THBS2: variants seen among roughly 807,000 people sequenced by gnomAD.
The protein encoded by THBS2 is thrombospondin 2.
Under a neutral mutation model 135.2 loss-of-function variants are expected in THBS2, and 47 were observed. The ratio of observed to expected loss-of-function variants is 0.35; its 90% CI spans 0.28 to 0.44. The LOEUF is 0.44. Ranked by LOEUF, THBS2 falls within the 20% of genes least tolerant of loss-of-function variation. The pLI is 1.00. For synonymous variants in THBS2, 639 were observed against 633.8 expected (o/e 1.01, Z -0.12); for missense variants, 1,288 against 1,603.1 (o/e 0.80, Z 3.36).
Position 169,237,201 on chromosome 6 carries a change from C to T in THBS2, c.1446G>A (p.Glu482=), listed in dbSNP as rs1359565942. 2 of 1,611,168 alleles carry T rather than the reference C, an allele frequency of 1.2e-6. No homozygotes were observed. The highest frequency in any genetic ancestry group is 1.7e-6 in the Non-Finnish European group (2 of 1,179,858). Reference sequence around the variant, plus strand: ...ATGGGGCGCCCTGGCAGGCTTTGGTCTCCCGGCCACTCCCTTTGCAATTCT... The same window carrying T: ...ATGGGGCGCCCTGGCAGGCTTTGGTTTCCCGGCCACTCCCTTTGCAATTCT... The part of the protein sequence containing the change: ...GGKNCKGSGR[E]TKACQGAPCP... Residue 482 remains glutamate (E), a synonymous_variant, in exon 9 of 22, where the codon GAG becomes GAA. Transcript: ENST00000617924.
intron 10 of THBS2, among the ~76,000 whole-genome samples, chr6:169,234,004 A>G (rs556907819): frequency 6.7e-6 from 1 of 149,190 alleles, no homozygotes; most frequent in East Asian, 2.0e-4. Flanking sequence ...TACTACCTAC[A>G]TGCCACGTTC....
In THBS2 at chr6:169,237,788, G is replaced by A. The variant is rs138225153; in HGVS notation, c.1137C>T (p.Asp379=). ...CCCACGGAGACCAGCCCTCCTCACC[G>A]TCCACCGCTGCCAGAGGAAGCAAAC... ...ECCPSCLHSV[D]GEEGWSPWAE... is the part of the protein sequence containing the mutation. The change falls in exon 8 of 22, where the codon GAC becomes GAT. Residue 379 remains aspartate, a synonymous_variant. Coordinates refer to ENST00000617924, the MANE Select transcript of THBS2 (RefSeq NM_003247.5). 1.9e-3 allele frequency: 3,036 copies of A among 1,608,900 alleles called. 6 individuals carry two copies. The highest frequency in any genetic ancestry group is 2.4e-3 in the Non-Finnish European group (2,855 of 1,179,154).
intron 4 of THBS2, among the ~76,000 whole-genome samples, chr6:169,244,201 C>A: frequency 8.5e-6 from 1 of 118,004 alleles, no homozygotes; most frequent in South Asian, 2.7e-4. Context: ...CTAAGAGTTT[C>A]CCATAAGTTT....
Position 169,248,956 on chromosome 6 carries a change from C to G in THBS2, c.70G>C (p.Asp24His). 1 of 1,605,382 alleles carries G rather than the reference C, an allele frequency of 6.2e-7. No homozygotes were observed. Residue 24 changes from aspartate (D) to histidine (H), a missense_variant, in exon 3 of 22, where the codon GAC (aspartate) becomes CAC (histidine). Asp to His is a moderately conservative substitution (Grantham distance 81). Transcript: ENST00000617924. ...ATACTGAAAAGGTCGAAGGTCGTGTCTTTGTCCTGGTGACCAGCTGCAAAG... is the reference window on the plus strand; with the variant it reads ...ATACTGAAAAGGTCGAAGGTCGTGTGTTTGTCCTGGTGACCAGCTGCAAAG... ...PSTQAGHQDK[D>H]TTFDLFSISN... is the part of the protein sequence containing the mutation.
intron 10 of THBS2, 72 bp downstream of exon 10, chr6:169,234,662 C>A: frequency 1.5e-6 from 2 of 1,365,384 alleles, no homozygotes; most frequent in Non-Finnish European, 1.9e-6. Flanking sequence ...CATCTAGTTT[C>A]CCAAAGCGTT....
At chr6:169,221,336 A>C (rs556163838) in intron 20 of THBS2, 94 bp downstream of exon 20, 1 of 1,135,398 alleles carries the variant, frequency 8.8e-7, no homozygotes, top group African/African-American at 1.5e-5. Context: ...AAAAAGTTAG[A>C]ATTCACTTGA....
rs1779855324 is a variant in THBS2, at chr6:169,232,034, G to C, written c.2097C>G (p.Gly699=). ...LICGEDSDLD[G]WPNLNLVCAT... is the part of the protein sequence containing the mutation. Reference sequence around the variant, plus strand: ...CGCAGACCAGATTGAGGTTGGGCCAGCCGTCCAGGTCCGAGTCCTCCCCGC... The same window carrying C: ...CGCAGACCAGATTGAGGTTGGGCCACCCGTCCAGGTCCGAGTCCTCCCCGC... The change falls in exon 13 of 22, where the codon GGC becomes GGG. Residue 699 remains glycine, a synonymous_variant. Coordinates refer to ENST00000617924, the MANE Select transcript of THBS2 (RefSeq NM_003247.5). 2 of 1,613,974 alleles carry C rather than the reference G, an allele frequency of 1.2e-6. No individual in the cohort carries two copies. The highest frequency in any genetic ancestry group is 1.3e-5 in the African/African-American group (1 of 74,940).
chr6:169,245,750 C>A (rs957300907), intron 4 of THBS2, among the ~76,000 whole-genome samples: 1 of 150,058 alleles, frequency 6.7e-6, no homozygotes, highest in African/African-American at 2.5e-5. Flanking sequence ...CCAGATCGCA[C>A]CACTGCACTC....
rs768518130 is a variant in THBS2 at position 169,232,056 on chromosome 6, C to T, written c.2075G>A (p.Gly692Glu). 5.6e-6 allele frequency: 9 copies of T among 1,614,086 alleles called. No individual in the cohort carries two copies. The highest frequency in any genetic ancestry group is 5.0e-5 in the Admixed American group (3 of 60,022). The change falls in exon 13 of 22, where the codon GGG becomes GAG. Residue 692 changes from glycine to glutamate, a missense_variant. By Grantham distance (98) the Gly-to-Glu change is moderately conservative. Around this residue, in one of 2 missense-constraint regions of THBS2, gnomAD observed 874 missense variants for 1,156.1 expected, o/e 0.76. Transcript: ENST00000617924. ...CCAGCCGTCCAGGTCCGAGTCCTCC[C>T]CGCAGATGAGCCCGTCGCCCGCGTA... is the stretch of plus-strand genomic sequence containing the variant. ...TGYAGDGLICGEDSDLDGWPN... is the reference protein window; with the variant it reads ...TGYAGDGLICEEDSDLDGWPN...
In THBS2 at chr6:169,241,271, C is replaced by T. The variant is rs1375694355; in HGVS notation, c.891+491G>A. On this transcript the variant is annotated intron_variant, in intron 5 of 21. Transcript: ENST00000617924. The surrounding 1 kb of genome is among the most constrained non-coding windows in gnomAD (Gnocchi z 5.5). ...CCCGTCCTGAGCCCCGCAGGCATCG[C>T]TCTCTCTTCCTGGCCGCGCTGTGCC... 6.6e-6 allele frequency among the ~76,000 whole-genome samples: 1 copy of T among 152,194 alleles called. No homozygotes were observed. Among genetic ancestry groups the T allele is most frequent in the East Asian group, 1.9e-4 (1 of 5,186 alleles).
Position 169,241,865 on chromosome 6 carries a change from G to A in THBS2, c.788C>T (p.Pro263Leu), listed in dbSNP as rs201478863. Residue 263 changes from proline to leucine, a missense_variant, in exon 5 of 22, where the codon CCC becomes CTC. By Grantham distance (98) the Pro-to-Leu change is moderately conservative. Coordinates refer to ENST00000617924, the MANE Select transcript of THBS2 (RefSeq NM_003247.5). The surrounding 1 kb of genome is among the most constrained non-coding windows in gnomAD (Gnocchi z 5.5). ...EYVGPSSERR[P>L]EVCERSCEEL... is the part of the protein sequence containing the mutation. ...CTCGCACGAGCGTTCGCACACCTCG[G>A]GCCTCCTCTCCGAGCTGGGGCCCAC... is the stretch of plus-strand genomic sequence containing the variant. 9.7e-5 allele frequency: 157 copies of A among 1,612,404 alleles called. No individual in the cohort carries two copies. Among genetic ancestry groups the A allele is most frequent in the Non-Finnish European group, 1.2e-4 (137 of 1,179,970 alleles).
At chr6:169,243,683 T>C (rs912347078) in intron 4 of THBS2, among the ~76,000 whole-genome samples, 7 of 152,302 alleles carry the variant, frequency 4.6e-5, no homozygotes, top group Middle Eastern at 6.8e-3. Flanking sequence ...AGCACACTAA[T>C]CTTTAACTAA....
At chr6:169,249,093 C>T (rs544207450) in intron 2 of THBS2, 120 bp from the exon 3 acceptor site, 1 of 933,232 alleles carries the variant, frequency 1.1e-6, no homozygotes, top group Non-Finnish European at 1.6e-6. Flanking sequence ...CCCAATATCC[C>T]GCAGCTTCTC....
At chr6:169,248,371 T>G (rs563447248) in intron 3 of THBS2, 46 bp downstream of exon 3, 1 of 1,555,570 alleles carries the variant, frequency 6.4e-7, no homozygotes, top group Non-Finnish European at 8.7e-7. Flanking sequence ...AGTTCCCAGC[T>G]AAGCTCTTTC....
rs1281759676 is a variant in THBS2 at position 169,226,188 on chromosome 6, G to A, written c.2530C>T (p.Pro844Ser). ...HCDNCPLVHN[P>S]DQTDVDNDLV... ...TCTGCGGCTGCCCTCACCTGGTCAG[G>A]GTTGTGCACCAGGGGGCAGTTGTCA... The change falls in exon 16 of 22, where the codon CCT (proline) becomes TCT (serine). Residue 844 changes from proline to serine, a missense_variant. Around this residue, in one of 2 missense-constraint regions of THBS2, gnomAD observed 874 missense variants for 1,156.1 expected, o/e 0.76. Coordinates refer to ENST00000617924, the MANE Select transcript of THBS2 (RefSeq NM_003247.5). 2 of 1,613,344 alleles carry A rather than the reference G, an allele frequency of 1.2e-6. No homozygotes were observed. The highest frequency in any genetic ancestry group is 8.5e-7 in the Non-Finnish European group (1 of 1,179,660).
At chr6:169,242,110 G>T (rs1780326963) in intron 4 of THBS2, 152 bp from the exon 5 acceptor site, 1 of 860,932 alleles carries the variant, frequency 1.2e-6, no homozygotes, top group Non-Finnish European at 1.7e-6. Context: ...GCAGAGGCCA[G>T]GACCACAGGG....
At position 169,237,563 on chromosome 6, in the gene THBS2, T is replaced by C. The variant is rs201504936; in HGVS notation, c.1300+62A>G. The C allele has an allele frequency of 3.0e-5, 48 of 1,602,696 alleles. No homozygotes were observed. In the Middle Eastern group the frequency reaches 5.7e-4, roughly 19 times the overall value. On this transcript the variant is annotated intron_variant, in intron 8 of 21. Transcript: ENST00000617924. ...GCTCTGTCCCTTGCAAAGGTCCCGA[T>C]GACTGAGAGAAACGCGGCCCCACCC...
intron 5 of THBS2, among the ~76,000 whole-genome samples, 189 bp from the exon 6 acceptor site, chr6:169,240,781 C>T (rs1780261859): frequency 6.6e-6 from 1 of 152,196 alleles, no homozygotes; most frequent in African/African-American, 2.4e-5. Context: ...GCCACAGCTT[C>T]GTCACTGCCT....
chr6:169,248,297 T>A, intron 3 of THBS2, 120 bp downstream of exon 3: 2 of 1,180,844 alleles, frequency 1.7e-6, no homozygotes, highest in South Asian at 2.8e-5. Flanking sequence ...GGATGTGCAG[T>A]GTGCTTCTCT....
Sources: gnomAD v4.1 joint callset for allele counts (sites outside exome capture counted in the v4.1 genomes callset) on GRCh38, gnomAD v4.1.1 for gene constraint, gnomAD v4.1.1 regional missense constraint, Gnocchi (gnomAD v3.1) non-coding constraint, MANE v1.5 for transcripts, NCBI Gene and HGNC (gene_info 2026-07-23, HGNC 2026-07-21) for gene names.